Variants in HECW2 observed in about 807,000 individuals in gnomAD.
HECW2 encodes the protein E3 ubiquitin-protein ligase HECW2.
Under a neutral mutation model 175.2 loss-of-function variants are expected in HECW2, and 61 were observed. The observed-to-expected ratio is 0.35, with a 90% CI of 0.28 to 0.43. The LOEUF is 0.43. HECW2 is among the 20% of genes least tolerant of loss of function. HECW2 has a pLI of 1.00. For synonymous variants in HECW2, 671 were observed against 731.0 expected, an observed-to-expected ratio of 0.92 and a Z score of 1.32; for missense variants, 1,524 against 2,000.5, an observed-to-expected ratio of 0.76 and a Z score of 4.54.
chr2:196,268,036 A>C (rs1180727676), intron 17 of HECW2, among the ~76,000 whole-genome samples: 2 of 152,210 alleles, frequency 1.3e-5, no homozygotes, highest in African/African-American at 4.8e-5. Flanking sequence ...TATCATTGAA[A>C]TAGGAAATTA....
intron 1 of HECW2, among the ~76,000 whole-genome samples, chr2:196,503,814 G>T (rs553651566): frequency 2.0e-5 from 3 of 152,298 alleles, no homozygotes; most frequent in Admixed American, 1.3e-4. Context: ...ATAAGCCGCA[G>T]CATTTTAAAA....
chr2:196,473,099 C>A (rs972094437), intron 1 of HECW2, among the ~76,000 whole-genome samples: 9 of 152,142 alleles, frequency 5.9e-5, no homozygotes, highest in African/African-American at 2.2e-4. Flanking sequence ...TTGATCGTGA[C>A]CAGAAGTTGT....
At chr2:196,466,761 G>A (rs1696970894) in intron 1 of HECW2, among the ~76,000 whole-genome samples, 1 of 152,214 alleles carries the variant, frequency 6.6e-6, no homozygotes, top group Admixed American at 6.5e-5. Flanking sequence ...GCAGAAAAAT[G>A]GGTAAAAGCA....
chr2:196,245,311 C>A (rs1688606661), intron 19 of HECW2, among the ~76,000 whole-genome samples: 1 of 152,234 alleles, frequency 6.6e-6, no homozygotes, highest in Non-Finnish European at 1.5e-5. Context: ...CCATCACACA[C>A]CACTTTGCAA....
chr2:196,382,750 C>A (rs1406216), intron 2 of HECW2, among the ~76,000 whole-genome samples: 4 of 151,292 alleles, frequency 2.6e-5, no homozygotes, highest in Non-Finnish European at 4.4e-5. Context: ...GCATTTCCAA[C>A]GGAAATGGCA....
At chr2:196,298,604 C>T (rs1294447383) in intron 13 of HECW2, among the ~76,000 whole-genome samples, 3 of 152,002 alleles carry the variant, frequency 2.0e-5, no homozygotes, top group Non-Finnish European at 4.4e-5. Flanking sequence ...CCCATTAACT[C>T]GTCATTTACA....
chr2:196,250,998 T>G (rs1902270), intron 19 of HECW2, among the ~76,000 whole-genome samples: 87,054 of 152,054 alleles, frequency 0.57, 27,527 homozygotes, highest in Non-Finnish European at 0.7. Context: ...GTCATGATTT[T>G]CAAATCTAAA....
In HECW2 at chr2:196,559,544, T is replaced by C. The variant is rs139001998; in HGVS notation, c.-36+33964A>G. Reference sequence around the variant, plus strand: ...AGGGTTATGCGACAAGCCTGCAGTGTCATGGAACAGACGAGGCTCTACTGT... The same window carrying C: ...AGGGTTATGCGACAAGCCTGCAGTGCCATGGAACAGACGAGGCTCTACTGT... On this transcript the variant is annotated intron_variant, in intron 1 of 28. Coordinates refer to ENST00000644978, the MANE Select transcript of HECW2 (RefSeq NM_001348768.2). 2.8e-3 allele frequency among the ~76,000 whole-genome samples: 421 copies of C among 152,284 alleles called. 3 individuals carry two copies. The highest frequency in any genetic ancestry group is 9.4e-3 in the African/African-American group (389 of 41,556).
chr2:196,425,225 G>GA (rs35789441), intron 2 of HECW2, among the ~76,000 whole-genome samples: 83 of 143,430 alleles, frequency 5.8e-4, no homozygotes, highest in African/African-American at 9.9e-4. Flanking sequence ...ATACTGCTTG[G>GA]AAAAAAAAAA....
chr2:196,310,816 C>T (rs1253807122), intron 10 of HECW2, among the ~76,000 whole-genome samples: 1 of 130,822 alleles, frequency 7.6e-6, no homozygotes, highest in Non-Finnish European at 1.7e-5. Context: ...AGGTAGAAGG[C>T]CTGATTTCTG....
At chr2:196,474,136 C>G (rs2125357989) in intron 1 of HECW2, among the ~76,000 whole-genome samples, 1 of 152,358 alleles carries the variant, frequency 6.6e-6, no homozygotes, top group South Asian at 2.1e-4. Flanking sequence ...AACTCCTCCT[C>G]TTGGCCTTCA....
intron 1 of HECW2, among the ~76,000 whole-genome samples, chr2:196,476,585 C>A (rs960958774): frequency 1.3e-5 from 2 of 152,078 alleles, no homozygotes; most frequent in African/African-American, 4.8e-5. Flanking sequence ...AGTCTTCTAA[C>A]AGAGTCATTT....
At chr2:196,376,878 G>A (rs560859238) in intron 2 of HECW2, among the ~76,000 whole-genome samples, 2 of 149,198 alleles carry the variant, frequency 1.3e-5, no homozygotes, top group Admixed American at 6.7e-5. Context: ...GTTGCAGTGA[G>A]CCAAGATCAC....
intron 13 of HECW2, among the ~76,000 whole-genome samples, chr2:196,296,129 A>G (rs1419793061): frequency 6.6e-6 from 1 of 151,888 alleles, no homozygotes; most frequent in Non-Finnish European, 1.5e-5. Context: ...CTGTGTGTGT[A>G]TAGATATGTA....
chr2:196,321,479 C>T (rs1346203331), intron 7 of HECW2, among the ~76,000 whole-genome samples: 2 of 150,346 alleles, frequency 1.3e-5, no homozygotes, highest in East Asian at 3.9e-4. Context: ...TCACTGCAAC[C>T]TCCACCTCCC....
chr2:196,351,791 C>T lies in HECW2; in HGVS notation c.293-8027G>A, dbSNP rs575711950. Among the ~76,000 whole-genome samples the T allele has an allele frequency of 1.2e-4, 19 of 152,236 alleles. No homozygotes were observed. The South Asian group carries it at 3.7e-3, about 30-fold the overall frequency. On this transcript the variant is annotated intron_variant, in intron 2 of 28. Coordinates refer to ENST00000644978, the MANE Select transcript of HECW2 (RefSeq NM_001348768.2). ...TGCTTGATCTTATTATGGGTACACT[C>T]GGGAATTAGATGCCTGTCTGGAATT...
intron 2 of HECW2, among the ~76,000 whole-genome samples, chr2:196,412,881 G>A (rs538701397): frequency 6.6e-6 from 1 of 152,270 alleles, no homozygotes; most frequent in East Asian, 1.9e-4. Flanking sequence ...TAGCCCTAAA[G>A]GCTGGAAGGA....
chr2:196,552,344 G>GA (rs1689628363), intron 1 of HECW2, among the ~76,000 whole-genome samples: 2 of 152,166 alleles, frequency 1.3e-5, no homozygotes, highest in Admixed American at 6.5e-5. Context: ...TGGCTGCCTG[G>GA]AAATCCTTCT....
intron 1 of HECW2, among the ~76,000 whole-genome samples, chr2:196,591,309 G>A (rs1003708699): frequency 7.9e-5 from 12 of 152,142 alleles, no homozygotes; most frequent in African/African-American, 2.9e-4. Flanking sequence ...GAAGGAAACT[G>A]GATTCAAACT....
Sources: gnomAD v4.1 joint callset for allele counts (sites outside exome capture counted in the v4.1 genomes callset) on GRCh38, gnomAD v4.1.1 for gene constraint, MANE v1.5 for transcripts, NCBI Gene and HGNC (gene_info 2026-07-23, HGNC 2026-07-21) for gene names.